The following JAK2 variants were observed in gnomAD, a reference collection of about 807,000 sequenced individuals.
JAK2 encodes the protein Janus kinase 2, also known as tyrosine-protein kinase JAK2.
A neutral mutation model predicts 139.3 loss-of-function variants in JAK2; 86 were observed. That is an observed-to-expected ratio of 0.62 (90% confidence interval 0.52 to 0.74). The LOEUF (loss-of-function observed/expected upper bound fraction) is 0.74. Among genes scored for constraint, JAK2 ranks in the 30% least tolerant of loss-of-function variants. The pLI is 0.00. For synonymous variants in JAK2, 490 were observed against 437.7 expected, an observed-to-expected ratio of 1.12 and a Z score of -1.49; for missense variants, 1,421 against 1,360.3, an observed-to-expected ratio of 1.04 and a Z score of -0.70.
intron 2 of JAK2, among the ~76,000 whole-genome samples, chr9:5,006,336 A>AT (rs1821299197): frequency 1.3e-5 from 2 of 152,238 alleles, no homozygotes; most frequent in African/African-American, 4.8e-5. Context: ...TTGTACATTG[A>AT]TTTTGTATGC....
chr9:4,991,504 G>T (rs1820243685), intron 2 of JAK2, among the ~76,000 whole-genome samples: 1 of 152,166 alleles, frequency 6.6e-6, no homozygotes, highest in South Asian at 2.1e-4. Flanking sequence ...GACTGACCCT[G>T]CTCTCAGCAT....
chr9:5,062,844 A>T (rs57707737), intron 8 of JAK2, among the ~76,000 whole-genome samples: 36,250 of 152,076 alleles, frequency 0.24, 4,687 homozygotes, highest in South Asian at 0.31. Flanking sequence ...TCATGTGTTT[A>T]TAGGTCAGCT....
chr9:4,984,881 G>C (rs1024378110), upstream of JAK2: 4 of 152,286 alleles, frequency 2.6e-5, no homozygotes, highest in Admixed American at 1.3e-4. Context: ...AGCGTTTCGC[G>C]AGGCGCCGCC....
At chr9:5,017,536 T>A (rs1158472799) in intron 2 of JAK2, among the ~76,000 whole-genome samples, 1 of 152,230 alleles carries the variant, frequency 6.6e-6, no homozygotes, top group Non-Finnish European at 1.5e-5. Context: ...AGCTTTGGGC[T>A]TTGTTCTTCT....
intron 2 of JAK2, among the ~76,000 whole-genome samples, chr9:5,013,507 A>G (rs1175783255): frequency 6.6e-6 from 1 of 152,206 alleles, no homozygotes; most frequent in Non-Finnish European, 1.5e-5. Context: ...TTTCTGTGGA[A>G]AAGTTGAGAA....
intron 2 of JAK2, among the ~76,000 whole-genome samples, chr9:5,006,864 C>A (rs1821340500): frequency 6.6e-6 from 1 of 152,110 alleles, no homozygotes; most frequent in African/African-American, 2.4e-5. Flanking sequence ...TATATTTCTT[C>A]TTGTGCTAGT....
intron 4 of JAK2, among the ~76,000 whole-genome samples, chr9:5,043,354 C>T (rs1258257421): frequency 6.6e-6 from 1 of 151,442 alleles, no homozygotes; most frequent in East Asian, 1.9e-4. Context: ...AAAAAAGATG[C>T]CCAACATCAT....
intron 2 of JAK2, among the ~76,000 whole-genome samples, chr9:5,007,804 T>C (rs1821409975): frequency 6.6e-6 from 1 of 151,908 alleles, no homozygotes; most frequent in Non-Finnish European, 1.5e-5. Flanking sequence ...CTTGGCTCAC[T>C]GCAATCTCTG....
At chr9:5,085,365 G>C in intron 19 of JAK2, 1 of 904,878 alleles carries the variant, frequency 1.1e-6, no homozygotes, top group East Asian at 2.6e-5. Context: ...ACTGATAGGT[G>C]ATCTCATGCA....
intron 6 of JAK2, among the ~76,000 whole-genome samples, chr9:5,051,719 A>G (rs1350702475): frequency 6.6e-6 from 1 of 152,172 alleles, no homozygotes; most frequent in African/African-American, 2.4e-5. Flanking sequence ...ATTTGAGTAC[A>G]TCATGAGTGT....
chr9:5,086,113 TCGGCAGCGGCGCGCGGCCC>T (rs1369702574), intron 19 of JAK2: 1 of 465,622 alleles, frequency 2.1e-6, no homozygotes, highest in Non-Finnish European at 4.0e-6. Context: ...TGCGCGGGCA[TCGGCAGCGGCGCGCGGCCC>T]CGGCGGCCCC....
intron 2 of JAK2, among the ~76,000 whole-genome samples, chr9:5,019,873 T>C (rs1293904583): frequency 6.6e-6 from 1 of 152,230 alleles, no homozygotes; most frequent in Non-Finnish European, 1.5e-5. Flanking sequence ...TGGTGAACTT[T>C]TGCTGGGGAT....
intron 22 of JAK2, among the ~76,000 whole-genome samples, chr9:5,115,844 G>A (rs1027303865): frequency 6.6e-6 from 1 of 152,118 alleles, no homozygotes; most frequent in Admixed American, 6.5e-5. Context: ...GCTGATAAGT[G>A]GGAGTTGAAC....
chr9:5,104,114 T>C (rs1466706600), intron 22 of JAK2, among the ~76,000 whole-genome samples: 1 of 152,008 alleles, frequency 6.6e-6, no homozygotes, highest in Non-Finnish European at 1.5e-5. Flanking sequence ...AAAAAATCAA[T>C]GAATCCAGGA....
At position 5,123,151 on chromosome 9, in the gene JAK2, T is replaced by G. The variant is rs552137578; in HGVS notation, c.3177+30T>G. On this transcript the variant is annotated intron_variant, in intron 23 of 24. Coordinates refer to ENST00000381652, the MANE Select transcript of JAK2 (RefSeq NM_004972.4). ...GTGTGCTTTTTATTTACTTTCAGTT[T>G]TTTGTTTGTTCGTTTGATTTTTATA... 4 of 1,438,670 alleles carry G rather than the reference T, an allele frequency of 2.8e-6. No homozygotes were observed. In the East Asian group the frequency reaches 6.9e-5, roughly 25 times the overall value. The allele number at this position is 1,438,670 out of a possible 1,614,324, so 89.1% of individuals were successfully genotyped here.
chr9:5,003,796 A>G (rs1821087143), intron 2 of JAK2, among the ~76,000 whole-genome samples: 1 of 152,078 alleles, frequency 6.6e-6, no homozygotes, highest in African/African-American at 2.4e-5. Context: ...CTCTAGAAGA[A>G]CAAGATCAAT....
rs371104486 is a variant in JAK2, at chr9:5,029,856, T to C, written c.300T>C (p.His100=). The part of the protein sequence containing the change: ...ETERIWYPPN[H]VFHIDESTRH... ...AAAGGATCTGGTATCCACCCAACCA[T>C]GTCTTCCATATAGATGAGTCAACCA... is the stretch of plus-strand genomic sequence containing the variant. Residue 100 remains histidine, a synonymous_variant, in exon 4 of 25, where the codon CAT becomes CAC. Coordinates refer to ENST00000381652, the MANE Select transcript of JAK2 (RefSeq NM_004972.4). The C allele has an allele frequency of 1.2e-5, 20 of 1,612,278 alleles. No individual in the cohort carries two copies. The African/African-American group carries it at 2.5e-4, about 20-fold the overall frequency.
chr9:5,081,259 AT>A (rs111832472), intron 18 of JAK2, among the ~76,000 whole-genome samples: 12,683 of 149,874 alleles, frequency 0.085, 1,592 homozygotes, highest in African/African-American at 0.28. Context: ...AAATTATAGT[AT>A]TTTTTTTTTG....
chr9:5,112,529 C>T, intron 22 of JAK2: 1 of 587,378 alleles, frequency 1.7e-6, no homozygotes, highest in South Asian at 2.3e-5. Flanking sequence ...GAGCAGAAGG[C>T]CGAGTGGGAG....
Sources: allele counts gnomAD v4.1 joint callset (sites outside exome capture counted in the v4.1 genomes callset), GRCh38; gene constraint gnomAD v4.1.1; transcripts MANE v1.5; gene names NCBI Gene and HGNC (gene_info 2026-07-23, HGNC 2026-07-21).